Variants in GAS2 observed in about 807,000 individuals in gnomAD.
GAS2 encodes the protein growth arrest-specific protein 2.
GAS2 carries 20 observed loss-of-function variants against 37.5 expected under a neutral mutation model. That is an observed-to-expected ratio of 0.53 (90% CI 0.37 to 0.77). The LOEUF is 0.77. Ranked by LOEUF, GAS2 falls within the 30% of genes least tolerant of loss-of-function variation. The probability of loss-of-function intolerance (pLI) is 0.00; values close to 1 mark genes in which losing one functional copy is unlikely to be tolerated. For missense variants in GAS2, 336 were observed against 373.4 expected (o/e 0.90, Z 0.82); for synonymous variants, 144 against 132.2 (o/e 1.09, Z -0.61).
chr11:22,799,675 A>G (rs775832372), intron 7 of GAS2, among the ~76,000 whole-genome samples: 8 of 152,088 alleles, frequency 5.3e-5, no homozygotes, highest in Non-Finnish European at 8.8e-5. Context: ...AAGGGCATAA[A>G]CCATTTTACC....
intron 2 of GAS2, among the ~76,000 whole-genome samples, chr11:22,681,431 T>C (rs903049784): frequency 6.6e-6 from 1 of 152,198 alleles, no homozygotes; most frequent in African/African-American, 2.4e-5. Context: ...CATGCGAAGA[T>C]CAAATATCGC....
chr11:22,693,994 A>G (rs1275515723), intron 3 of GAS2, among the ~76,000 whole-genome samples: 2 of 152,190 alleles, frequency 1.3e-5, no homozygotes, highest in African/African-American at 2.4e-5. Context: ...GGGGAACAAC[A>G]CACACTGGTG....
At chr11:22,698,120 A>G (rs1024819804) in intron 3 of GAS2, among the ~76,000 whole-genome samples, 1 of 152,158 alleles carries the variant, frequency 6.6e-6, no homozygotes, top group Non-Finnish European at 1.5e-5. Context: ...ATAGACCGCT[A>G]GCAAGACTAA....
intron 1 of GAS2, among the ~76,000 whole-genome samples, chr11:22,652,993 GTCTTTCTTTCTT>G (rs10590128): frequency 9.3e-5 from 9 of 97,036 alleles, no homozygotes; most frequent in African/African-American, 4.4e-4. Flanking sequence ...TTCTTTCTTT[GTCTTTCTTTCTT>G]TCTTTCTTTC....
At chr11:22,684,041 C>T (rs1176625145) in intron 2 of GAS2, among the ~76,000 whole-genome samples, 2 of 152,030 alleles carry the variant, frequency 1.3e-5, no homozygotes, top group African/African-American at 4.8e-5. Context: ...AGAACTTGTC[C>T]AAGGAGGTAG....
At chr11:22,733,161 G>A (rs1852567797) in intron 4 of GAS2, among the ~76,000 whole-genome samples, 1 of 151,360 alleles carries the variant, frequency 6.6e-6, no homozygotes, top group African/African-American at 2.4e-5. Context: ...CCTCATAAAG[G>A]AGTGCAAGTA....
intron 3 of GAS2, 105 bp from the exon 4 acceptor site, chr11:22,726,187 T>C (rs1852203794): frequency 9.8e-6 from 11 of 1,124,124 alleles, no homozygotes; most frequent in South Asian, 1.6e-5. Flanking sequence ...AACCTACTTA[T>C]TGGCATGAGG....
intron 7 of GAS2, among the ~76,000 whole-genome samples, chr11:22,756,804 G>T (rs4923025): frequency 0.55 from 83,991 of 151,984 alleles, 25,084 homozygotes; most frequent in Middle Eastern, 0.69. Flanking sequence ...GCAGCAAAAG[G>T]ATATAACAAT....
At chr11:22,655,127 T>C (rs1259143938) in intron 1 of GAS2, among the ~76,000 whole-genome samples, 1 of 152,130 alleles carries the variant, frequency 6.6e-6, no homozygotes, top group African/African-American at 2.4e-5. Flanking sequence ...CTGTCTGTCC[T>C]TTTCTGAAGA....
chr11:22,653,076 C>G (rs71490641), intron 1 of GAS2, among the ~76,000 whole-genome samples: 1 of 98,886 alleles, frequency 1.0e-5, no homozygotes, highest in Non-Finnish European at 2.2e-5. Context: ...TTTGCTTTCT[C>G]TCTCTCTCCT....
intron 1 of GAS2, among the ~76,000 whole-genome samples, chr11:22,670,732 A>C (rs1849165480): frequency 6.6e-6 from 1 of 152,152 alleles, no homozygotes; most frequent in Admixed American, 6.5e-5. Flanking sequence ...ACACAGGTAC[A>C]AAGAGGAAAA....
intron 2 of GAS2, among the ~76,000 whole-genome samples, chr11:22,678,877 ATACT>A (rs149687293): frequency 0.015 from 2,298 of 152,098 alleles, 63 homozygotes; most frequent in African/African-American, 0.053. Context: ...TCCAGGAAAT[ATACT>A]TACTTAATCA....
chr11:22,791,676 A>T (rs537837811), intron 7 of GAS2, among the ~76,000 whole-genome samples: 1 of 152,348 alleles, frequency 6.6e-6, no homozygotes, highest in South Asian at 2.1e-4. Context: ...ATTGGAACCA[A>T]GAAAAGAGGG....
chr11:22,777,141 T>C (rs1855299763), intron 7 of GAS2, among the ~76,000 whole-genome samples: 1 of 152,200 alleles, frequency 6.6e-6, no homozygotes, highest in Non-Finnish European at 1.5e-5. Context: ...CTAAGATTTG[T>C]AAGACGAGTT....
intron 3 of GAS2, among the ~76,000 whole-genome samples, chr11:22,690,473 G>A (rs147611967): frequency 1.5e-4 from 23 of 152,252 alleles, no homozygotes; most frequent in South Asian, 1.0e-3. Flanking sequence ...CTCTGCATGG[G>A]AGCAATGCAG....
intron 7 of GAS2, among the ~76,000 whole-genome samples, chr11:22,759,845 G>T (rs1332069225): frequency 6.6e-6 from 1 of 152,220 alleles, no homozygotes; most frequent in East Asian, 1.9e-4. Flanking sequence ...CAGTCAGTTG[G>T]TATCTACATA....
chr11:22,783,202 T>C (rs890850320), intron 7 of GAS2, among the ~76,000 whole-genome samples: 8 of 142,982 alleles, frequency 5.6e-5, no homozygotes, highest in African/African-American at 2.1e-4. Flanking sequence ...TTAGTGATGA[T>C]GAGCATTTTT....
Position 22,693,366 on chromosome 11 carries a change from G to A in GAS2, c.267+7577G>A, listed in dbSNP as rs112412730. Among the ~76,000 whole-genome samples, 34 of 152,190 alleles carry A rather than the reference G, an allele frequency of 2.2e-4. 1 individual carries two copies. In the South Asian group the frequency reaches 4.4e-3, roughly 20 times the overall value. ...TTGAAAAGACCACATCTGTAACATC[G>A]ATTCTGATTAAATATGTTACTTCAT... On this transcript the variant is annotated intron_variant, in intron 3 of 7. Transcript: ENST00000454584.
intron 4 of GAS2, among the ~76,000 whole-genome samples, chr11:22,732,041 T>G (rs1852503828): frequency 6.6e-6 from 1 of 151,756 alleles, no homozygotes; most frequent in Non-Finnish European, 1.5e-5. Context: ...TTACGCAATG[T>G]TACACAACTT....
Sources: gnomAD v4.1 joint callset for allele counts (sites outside exome capture counted in the v4.1 genomes callset) on GRCh38, gnomAD v4.1.1 for gene constraint, MANE v1.5 for transcripts, NCBI Gene and HGNC (gene_info 2026-07-23, HGNC 2026-07-21) for gene names.